The following XDH variants were observed in gnomAD, a reference collection of about 807,000 sequenced individuals.
The protein encoded by XDH is xanthine dehydrogenase, also known as xanthine dehydrogenase/oxidase.
Under a neutral mutation model 156.1 loss-of-function variants are expected in XDH, and 138 were observed. The observed-to-expected ratio is 0.88, with a 90% CI of 0.77 to 1.02. The LOEUF (loss-of-function observed/expected upper bound fraction) is 1.02, where lower values mean the gene tolerates loss of function less well. Ranked by LOEUF, XDH falls within the 50% of genes least tolerant of loss-of-function variation. XDH has a pLI of 0.00. For synonymous variants in XDH, 669 were observed against 625.7 expected, an observed-to-expected ratio of 1.07 and a Z score of -1.03; for missense variants, 1,849 against 1,684.9, an observed-to-expected ratio of 1.10 and a Z score of -1.71.
Position 31,349,947 on chromosome 2 carries a change from C to G in XDH, c.2823+85G>C, listed in dbSNP as rs761433912. 8.7e-6 allele frequency: 14 copies of G among 1,610,868 alleles called. No individual in the cohort carries two copies. The South Asian group carries it at 1.5e-4, about 18-fold the overall frequency. On this transcript the variant is annotated intron_variant, in intron 25 of 35. Coordinates refer to ENST00000379416, the MANE Select transcript of XDH (RefSeq NM_000379.4). ...GCAGCCCCTGCCTGTCATCTGCCCC[C>G]ATGGGAGATGCCCAAGATACAAAGC...
chr2:31,391,472 G>A (rs1686761331), intron 6 of XDH, among the ~76,000 whole-genome samples: 1 of 152,094 alleles, frequency 6.6e-6, no homozygotes, highest in African/African-American at 2.4e-5. Flanking sequence ...TCAATATTGA[G>A]TTGGCTATTC....
At chr2:31,370,296 A>C in intron 18 of XDH, 59 bp downstream of exon 18, 2 of 1,589,586 alleles carry the variant, frequency 1.3e-6, no homozygotes, top group Admixed American at 3.3e-5. Flanking sequence ...AGCAATGTAC[A>C]CAAATTAAAA....
intron 1 of XDH, among the ~76,000 whole-genome samples, chr2:31,410,089 A>C (rs1687299733): frequency 6.6e-6 from 1 of 152,222 alleles, no homozygotes; most frequent in Non-Finnish European, 1.5e-5. Flanking sequence ...ATATGCTACA[A>C]CATAGGTGAA....
At chr2:31,373,839 C>T (rs1686147129) in intron 16 of XDH, 34 bp downstream of exon 16, 2 of 1,610,570 alleles carry the variant, frequency 1.2e-6, no homozygotes, top group Admixed American at 1.7e-5. Flanking sequence ...CCTGCAAAGT[C>T]CCCTGATATT....
intron 1 of XDH, among the ~76,000 whole-genome samples, chr2:31,410,796 G>A (rs1255384727): frequency 6.6e-6 from 1 of 152,182 alleles, no homozygotes; most frequent in African/African-American, 2.4e-5. Flanking sequence ...AAGGAAAGCT[G>A]AGGAGCTGTT....
intron 21 of XDH, 84 bp from the exon 22 acceptor site, chr2:31,366,193 T>C: frequency 6.2e-7 from 1 of 1,608,232 alleles, no homozygotes; most frequent in Non-Finnish European, 8.5e-7. Context: ...CCAACATGCA[T>C]GGACCTAATT....
chr2:31,402,396 T>C (rs978608779), intron 3 of XDH, among the ~76,000 whole-genome samples: 3 of 147,982 alleles, frequency 2.0e-5, no homozygotes, highest in African/African-American at 7.3e-5. Flanking sequence ...GAACTGTTGT[T>C]TTCTCAAATA....
intron 6 of XDH, among the ~76,000 whole-genome samples, chr2:31,395,873 C>T (rs1686889810): frequency 6.6e-6 from 1 of 152,204 alleles, no homozygotes; most frequent in Non-Finnish European, 1.5e-5. Flanking sequence ...AAGCTGCTTA[C>T]ATGCCAGACC....
intron 2 of XDH, 96 bp from the exon 3 acceptor site, chr2:31,403,240 T>C: frequency 7.5e-7 from 1 of 1,332,776 alleles, no homozygotes; most frequent in South Asian, 1.3e-5. Context: ...GAGCCATTCA[T>C]TCCCACACGT....
chr2:31,348,623 T>C (rs1443683393), intron 27 of XDH, among the ~76,000 whole-genome samples: 1 of 152,172 alleles, frequency 6.6e-6, no homozygotes, highest in African/African-American at 2.4e-5. Flanking sequence ...ACTCTGTAAG[T>C]GAAGAAACAG....
In XDH at chr2:31,339,515, T is replaced by C; in HGVS notation, c.3748A>G (p.Asn1250Asp). 1 of 1,614,192 alleles carries C rather than the reference T, an allele frequency of 6.2e-7. No homozygotes were observed. Among genetic ancestry groups the C allele is most frequent in the Non-Finnish European group, 8.5e-7 (1 of 1,180,032 alleles). ...FRVSLLRDCP[N>D]KKAIYASKAV... ...TTCGATGCATAGATGGCCTTCTTGTTGGGGCAGTCGCGGAGCAGGGACACC... is the reference window on the plus strand; with the variant it reads ...TTCGATGCATAGATGGCCTTCTTGTCGGGGCAGTCGCGGAGCAGGGACACC... The change falls in exon 34 of 36, where the codon AAC (asparagine) becomes GAC (aspartate). Residue 1250 changes from asparagine to aspartate, a missense_variant. Asn to Asp is a conservative substitution (Grantham distance 23). Transcript: ENST00000379416.
chr2:31,335,135 T>G lies in XDH; in HGVS notation c.*823A>C, dbSNP rs886055945. ...ATTCTCCTGCCTTAGCCTCCCAAAG[T>G]GCTGGGATTATAGGGGTGAGCCACC... On this transcript the variant is annotated 3_prime_UTR_variant, in exon 36 of 36. Coordinates refer to ENST00000379416, the MANE Select transcript of XDH (RefSeq NM_000379.4). The G allele has an allele frequency of 6.6e-6, 1 of 152,186 alleles. No individual in the cohort carries two copies. The highest frequency in any genetic ancestry group is 1.5e-5 in the Non-Finnish European group (1 of 68,058). 9.4% of individuals were successfully genotyped at this position (152,186 alleles called of 1,614,324 possible).
At position 31,344,696 on chromosome 2, in the gene XDH, G is replaced by A. The variant is rs550042471; in HGVS notation, c.3392C>T (p.Thr1131Ile). 26 of 1,614,158 alleles carry A rather than the reference G, an allele frequency of 1.6e-5. No individual in the cohort carries two copies. Among genetic ancestry groups the A allele is most frequent in the Middle Eastern group, 3.3e-4 (2 of 6,048 alleles). ...ACACCATACTTACCTATAAAACCCA[G>A]TGGCAGACAAGCTCACTGTGTCCAT... ...AYMDTVSLSA[T>I]GFYRTPNLGY... Residue 1131 changes from threonine (T) to isoleucine (I), a missense_variant, in exon 31 of 36, where the codon ACT becomes ATT. By Grantham distance (89) the Thr-to-Ile change is moderately conservative. Coordinates refer to ENST00000379416, the MANE Select transcript of XDH (RefSeq NM_000379.4).
intron 2 of XDH, 49 bp from the exon 3 acceptor site, chr2:31,403,193 T>C (rs747102250): frequency 6.3e-7 from 1 of 1,599,302 alleles, no homozygotes; most frequent in African/African-American, 1.3e-5. Context: ...AGGAGTCTGC[T>C]GGGTTGCTAG....
At chr2:31,377,017 C>T (rs1686263595) in intron 14 of XDH, 36 bp downstream of exon 14, 2 of 1,612,262 alleles carry the variant, frequency 1.2e-6, no homozygotes, top group East Asian at 2.2e-5. Context: ...GTAGCAGCAA[C>T]ATTAGCAGCA....
intron 13 of XDH, among the ~76,000 whole-genome samples, chr2:31,378,179 C>G (rs7558472): frequency 0.11 from 6,083 of 53,812 alleles, 580 homozygotes; most frequent in African/African-American, 0.18. Context: ...AGGAAGGAAG[C>G]AAGCAAGCAA....
intron 24 of XDH, among the ~76,000 whole-genome samples, chr2:31,360,686 G>A (rs889131290): frequency 6.6e-6 from 1 of 152,030 alleles, no homozygotes; most frequent in African/African-American, 2.4e-5. Flanking sequence ...GTCTATAAAG[G>A]GTTCAGTACT....
Position 31,342,240 on chromosome 2 carries a change from G to A in XDH, c.3462C>T (p.Phe1154=), listed in dbSNP as rs1352717574. The A allele has an allele frequency of 4.3e-6, 7 of 1,614,166 alleles. No individual in the cohort carries two copies. The highest frequency in any genetic ancestry group is 3.3e-4 in the Middle Eastern group (2 of 6,062). The stretch of plus-strand genomic sequence containing the variant: ...CTTCAGAGCAAGCCACCCCATAGCT[G>A]AAGTAGTGGAAGGGGTTCCCTGAGT... The part of the protein sequence containing the change: ...ETNSGNPFHY[F]SYGVACSEVE... The change falls in exon 32 of 36, where the codon TTC becomes TTT. Residue 1154 remains phenylalanine, a synonymous_variant. Coordinates refer to ENST00000379416, the MANE Select transcript of XDH (RefSeq NM_000379.4).
At chr2:31,388,937 C>T (rs1383730415) in intron 6 of XDH, among the ~76,000 whole-genome samples, 2 of 152,188 alleles carry the variant, frequency 1.3e-5, no homozygotes, top group Non-Finnish European at 2.9e-5. Flanking sequence ...TTGCTCAGGA[C>T]CTCTTAGGAT....
Sources: allele counts gnomAD v4.1 joint callset (sites outside exome capture counted in the v4.1 genomes callset), GRCh38; gene constraint gnomAD v4.1.1; transcripts MANE v1.5; gene names NCBI Gene and HGNC (gene_info 2026-07-23, HGNC 2026-07-21).